ANP32B: variants seen among roughly 807,000 people sequenced by gnomAD.
ANP32B encodes acidic nuclear phosphoprotein 32 family member B, also known as acidic leucine-rich nuclear phosphoprotein 32 family member B.
ANP32B carries 6 observed loss-of-function variants against 32.2 expected under a neutral mutation model. The observed-to-expected ratio is 0.19, with a 90% CI of 0.10 to 0.37. The LOEUF (loss-of-function observed/expected upper bound fraction) is 0.37. ANP32B is among the 10% of genes least tolerant of loss of function. ANP32B has a pLI of 1.00. For missense variants in ANP32B, 204 were observed against 289.2 expected, an observed-to-expected ratio of 0.71 and a Z score of 2.14; for synonymous variants, 98 against 105.8, an observed-to-expected ratio of 0.93 and a Z score of 0.45.
rs374646265 is a variant in ANP32B at position 98,000,661 on chromosome 9, C to G, written c.327+1983C>G. ...AGTCTAGGCTGGGCACGGTGGTTCA[C>G]GCCTGTAATCCCAGCACTTTGGGAG... On this transcript the variant is annotated intron_variant, in intron 3 of 6. Coordinates refer to ENST00000339399, the MANE Select transcript of ANP32B (RefSeq NM_006401.3). 3.9e-5 allele frequency among the ~76,000 whole-genome samples: 6 copies of G among 152,210 alleles called. 1 individual carries two copies. The East Asian group carries it at 7.7e-4, about 20-fold the overall frequency.
intron 1 of ANP32B, chr9:97,987,768 T>G (rs568738817): frequency 6.6e-6 from 1 of 152,306 alleles, no homozygotes; most frequent in African/African-American, 2.4e-5. Context: ...TAGTCCCAAT[T>G]TACTGAGAAA....
At chr9:98,001,012 G>C (rs953460621) in intron 3 of ANP32B, among the ~76,000 whole-genome samples, 2 of 150,934 alleles carry the variant, frequency 1.3e-5, no homozygotes, top group African/African-American at 4.9e-5. Context: ...TTTATTTCAT[G>C]CCCAAATTTC....
chr9:97,993,944 T>C (rs763797782), intron 1 of ANP32B, among the ~76,000 whole-genome samples: 48 of 152,240 alleles, frequency 3.2e-4, no homozygotes, highest in Admixed American at 6.5e-5. Context: ...GATGTGATAC[T>C]CTTGGATGGA....
At chr9:98,000,393 AT>A (rs1827970139) in intron 3 of ANP32B, among the ~76,000 whole-genome samples, 2 of 152,198 alleles carry the variant, frequency 1.3e-5, no homozygotes, top group Non-Finnish European at 2.9e-5. Context: ...TATTACAGGT[AT>A]ACCCAGATAC....
chr9:98,003,257 G>T (rs1828024531), intron 3 of ANP32B, among the ~76,000 whole-genome samples: 1 of 152,164 alleles, frequency 6.6e-6, no homozygotes, highest in African/African-American at 2.4e-5. Flanking sequence ...TTTTCCTGTT[G>T]CTGTAACCCT....
intron 3 of ANP32B, among the ~76,000 whole-genome samples, chr9:97,999,216 G>A (rs577805081): frequency 6.6e-6 from 1 of 152,252 alleles, no homozygotes; most frequent in East Asian, 1.9e-4. Flanking sequence ...ATATTGTGGT[G>A]GCATCCTTCA....
intron 6 of ANP32B, among the ~76,000 whole-genome samples, chr9:98,013,331 C>T (rs913727640): frequency 1.2e-4 from 18 of 152,108 alleles, no homozygotes; most frequent in Non-Finnish European, 7.4e-5. Context: ...CTAGCCTGTT[C>T]CCCATGTTTT....
chr9:98,010,091 G>A (rs1378674247), intron 4 of ANP32B, among the ~76,000 whole-genome samples: 2 of 152,072 alleles, frequency 1.3e-5, no homozygotes, highest in African/African-American at 4.8e-5. Flanking sequence ...GCAAGAGCCA[G>A]TAAAGGACAT....
intron 3 of ANP32B, among the ~76,000 whole-genome samples, chr9:98,004,701 T>C (rs1828048742): frequency 6.6e-6 from 1 of 152,220 alleles, no homozygotes; most frequent in Non-Finnish European, 1.5e-5. Context: ...TAATAAAAAT[T>C]ATTTTCAATT....
chr9:97,991,182 A>G (rs1827819860), intron 1 of ANP32B, among the ~76,000 whole-genome samples: 1 of 148,846 alleles, frequency 6.7e-6, no homozygotes, highest in African/African-American at 2.5e-5. Context: ...GTGGCATGAT[A>G]ATGGCTCACT....
At chr9:98,007,092 C>T (rs963820046) in intron 4 of ANP32B, among the ~76,000 whole-genome samples, 2 of 152,020 alleles carry the variant, frequency 1.3e-5, no homozygotes, top group African/African-American at 4.8e-5. Context: ...TAAACATGAA[C>T]GTGAAAAACA....
In ANP32B at chr9:97,983,467, G is replaced by A. The variant is rs1260523616; in HGVS notation, c.-89G>A. On this transcript the variant is annotated 5_prime_UTR_variant, in exon 1 of 7. Coordinates refer to ENST00000339399, the MANE Select transcript of ANP32B (RefSeq NM_006401.3). ...GCCTCCGCCGCTAGCAAACCCTTCC[G>A]ACGGCCCTCGCTGCGCAAGCCGGGA... The A allele has an allele frequency of 5.6e-6, 7 of 1,253,976 alleles. No homozygotes were observed. The highest frequency in any genetic ancestry group is 2.6e-4 in the Middle Eastern group (1 of 3,774). 77.7% of individuals were successfully genotyped at this position (1,253,976 alleles called of 1,614,324 possible).
chr9:98,009,652 C>T (rs982946630), intron 4 of ANP32B, among the ~76,000 whole-genome samples: 1 of 152,254 alleles, frequency 6.6e-6, no homozygotes, highest in Non-Finnish European at 1.5e-5. Context: ...CACTGGCCTG[C>T]TCTTCACCAC....
intron 1 of ANP32B, among the ~76,000 whole-genome samples, chr9:97,990,956 A>T (rs970656730): frequency 2.0e-5 from 3 of 151,232 alleles, no homozygotes; most frequent in Admixed American, 6.6e-5. Context: ...AGTAGCTGGG[A>T]CTACAGGTGC....
chr9:97,998,591 G>A lies in ANP32B; in HGVS notation c.240G>A (p.Leu80=). The A allele has an allele frequency of 3.7e-6, 6 of 1,611,778 alleles. No homozygotes were observed. The highest frequency in any genetic ancestry group is 5.1e-6 in the Non-Finnish European group (6 of 1,179,176). ...ELSENRIFGG[L]DMLAEKLPNL... ...GTGAAAATAGAATCTTTGGAGGTCT[G>A]GACATGTTAGCTGAAAAACTTCCAA... Residue 80 remains leucine, a synonymous_variant, in exon 3 of 7, where the codon CTG becomes CTA. Transcript: ENST00000339399.
chr9:97,986,329 A>G (rs1227895367), intron 1 of ANP32B, among the ~76,000 whole-genome samples: 2 of 152,240 alleles, frequency 1.3e-5, no homozygotes, highest in African/African-American at 2.4e-5. Context: ...CTGAGAAACC[A>G]TTGAGGTGGT....
In ANP32B at chr9:97,983,559, G is replaced by A; in HGVS notation, c.4G>A (p.Asp2Asn). Residue 2 changes from aspartate to asparagine, a missense_variant, in exon 1 of 7, where the codon GAC (aspartate) becomes AAC (asparagine). Physicochemically the swap from Asp to Asn is conservative, Grantham distance 23 (BLOSUM62 1). Coordinates refer to ENST00000339399, the MANE Select transcript of ANP32B (RefSeq NM_006401.3). ...GAAGAGGGGGGAAGAGGGGAACATG[G>A]ACATGAAGAGGAGGATCCACCTGGA... Reference protein sequence around the residue: MDMKRRIHLELR... With the variant: MNMKRRIHLELR... 1 of 1,583,140 alleles carries A rather than the reference G, an allele frequency of 6.3e-7. No individual in the cohort carries two copies. Among genetic ancestry groups the A allele is most frequent in the Non-Finnish European group, 8.6e-7 (1 of 1,165,552 alleles).
chr9:98,004,094 T>A (rs754350178), intron 3 of ANP32B, among the ~76,000 whole-genome samples: 48 of 152,218 alleles, frequency 3.2e-4, no homozygotes, highest in Non-Finnish European at 6.6e-4. Context: ...ACTAGTACAC[T>A]GATATAATAA....
intron 6 of ANP32B, among the ~76,000 whole-genome samples, chr9:98,014,672 A>G (rs1351140041): frequency 6.6e-6 from 1 of 152,240 alleles, no homozygotes; most frequent in African/African-American, 2.4e-5. Flanking sequence ...TTTACAGATG[A>G]AAAAGGCTTA....
Sources: gnomAD v4.1 joint callset for allele counts (sites outside exome capture counted in the v4.1 genomes callset) on GRCh38, gnomAD v4.1.1 for gene constraint, MANE v1.5 for transcripts, NCBI Gene and HGNC (gene_info 2026-07-23, HGNC 2026-07-21) for gene names.